OR2AJ1: variants seen among roughly 807,000 people sequenced by gnomAD.
The protein encoded by OR2AJ1 is olfactory receptor 2AJ1.
For missense variants in OR2AJ1, 280 were observed against 163.2 expected (o/e 1.72, Z -3.90); for synonymous variants, 105 against 60.3 (o/e 1.74, Z -3.44).
chr1:247,931,465 T>A (rs139394094), intron 1 of OR2AJ1, among the ~76,000 whole-genome samples: 86 of 152,326 alleles, frequency 5.6e-4, no homozygotes, highest in African/African-American at 1.8e-3. Context: ...GATCCCTGAC[T>A]GACTGGTTAA....
intron 1 of OR2AJ1, among the ~76,000 whole-genome samples, chr1:247,930,778 A>G (rs1660144168): frequency 6.6e-6 from 1 of 152,150 alleles, no homozygotes; most frequent in South Asian, 2.1e-4. Context: ...CAGACATTTA[A>G]TCACATACAG....
intron 1 of OR2AJ1, among the ~76,000 whole-genome samples, chr1:247,931,662 A>ACC (rs1414019321): frequency 6.6e-6 from 1 of 152,212 alleles, no homozygotes; most frequent in Non-Finnish European, 1.5e-5. Context: ...GCCAGTATGA[A>ACC]ATACAGAGAA....
rs761201464 is a variant in OR2AJ1, at chr1:247,934,037, G to T, written c.269G>T (p.Arg90Ile). 30 of 717,486 alleles carry T rather than the reference G, an allele frequency of 4.2e-5. No individual in the cohort carries two copies. Among genetic ancestry groups the T allele is most frequent in the Non-Finnish European group, 6.8e-5 (26 of 385,130 alleles). The allele number at this position is 717,486 out of a possible 1,614,324, so 44.4% of individuals were successfully genotyped here. ...KMVTNFLSGS[R>I]TISFAGCGFQ... ...GTCACTAACTTTCTGTCAGGCAGCA[G>T]AACTATTTCATTTGCAGGTTGTGGG... The change falls in exon 2 of 2, where the codon AGA becomes ATA. Residue 90 changes from arginine to isoleucine, a missense_variant. Transcript: ENST00000318244.
chr1:247,932,413 G>T (rs908189984), intron 1 of OR2AJ1, among the ~76,000 whole-genome samples: 4 of 152,164 alleles, frequency 2.6e-5, no homozygotes, highest in African/African-American at 9.7e-5. Context: ...AAACTTCATT[G>T]AGGTGCTTAT....
intron 1 of OR2AJ1, among the ~76,000 whole-genome samples, chr1:247,927,349 G>A (rs568255632): frequency 5.4e-4 from 82 of 152,204 alleles, no homozygotes; most frequent in African/African-American, 1.9e-3. Context: ...GGTCAGTAGG[G>A]ACTTCAACAT....
At chr1:247,932,004 T>C (rs184748461) in intron 1 of OR2AJ1, among the ~76,000 whole-genome samples, 1 of 152,230 alleles carries the variant, frequency 6.6e-6, no homozygotes, top group African/African-American at 2.4e-5. Context: ...AATCTGTGTG[T>C]ATCATCACAT....
rs754846040 is a variant in OR2AJ1 at position 247,934,160 on chromosome 1, G to A, written c.392G>A (p.Arg131His). 1.4e-5 allele frequency: 10 copies of A among 718,406 alleles called. No individual in the cohort carries two copies. Among genetic ancestry groups the A allele is most frequent in the Admixed American group, 1.0e-4 (5 of 50,062 alleles). 44.5% of individuals were successfully genotyped at this position (718,406 alleles called of 1,614,324 possible). Reference protein sequence around the residue: ...DRYVAICHPLRYPILMKEYAS... With the variant: ...DRYVAICHPLHYPILMKEYAS... Reference sequence around the variant, plus strand: ...TATGTGGCTATCTGTCACCCGCTGCGCTATCCGATTCTTATGAAGGAGTAT... The same window carrying A: ...TATGTGGCTATCTGTCACCCGCTGCACTATCCGATTCTTATGAAGGAGTAT... The change falls in exon 2 of 2, where the codon CGC becomes CAC. Residue 131 changes from arginine to histidine, a missense_variant. Arg to His is a conservative substitution (Grantham distance 29). Transcript: ENST00000318244.
chr1:247,931,380 A>G (rs1455780234), intron 1 of OR2AJ1, among the ~76,000 whole-genome samples: 2 of 152,208 alleles, frequency 1.3e-5, no homozygotes, highest in African/African-American at 4.8e-5. Flanking sequence ...GATTTCACCC[A>G]AAATTGAAAT....
intron 1 of OR2AJ1, among the ~76,000 whole-genome samples, chr1:247,932,076 C>T (rs952406818): frequency 5.3e-5 from 8 of 152,214 alleles, no homozygotes; most frequent in Admixed American, 4.6e-4. Context: ...CGGTGGCTCA[C>T]GCCTGTAATC....
chr1:247,930,175 G>T (rs1484304787), intron 1 of OR2AJ1, among the ~76,000 whole-genome samples: 1 of 152,076 alleles, frequency 6.6e-6, no homozygotes, highest in African/African-American at 2.4e-5. Context: ...TGCTTGTCTT[G>T]CAGTCAAACA....
intron 1 of OR2AJ1, among the ~76,000 whole-genome samples, chr1:247,925,397 G>A (rs150509095): frequency 1.6e-3 from 239 of 152,286 alleles, no homozygotes; most frequent in African/African-American, 5.6e-3. Context: ...TAAGAGAACA[G>A]GAAAGTCTCC....
intron 1 of OR2AJ1, among the ~76,000 whole-genome samples, chr1:247,929,554 C>A (rs73137491): frequency 0.039 from 5,820 of 151,054 alleles, 365 homozygotes; most frequent in African/African-American, 0.13. Flanking sequence ...TAATAATCAT[C>A]CTGAGTATTG....
Position 247,934,734 on chromosome 1 carries a change from G to T in OR2AJ1, c.966G>T (p.Val322=). Residue 322 remains valine, a synonymous_variant, in exon 2 of 2, where the codon GTG becomes GTT. Coordinates refer to ENST00000318244, the MANE Select transcript of OR2AJ1 (RefSeq NM_001355235.2). ...KKMNRKIPEC[V]FCLFLC ...TGAATAGGAAAATTCCTGAATGTGT[G>T]TTCTGTCTATTTCTATGTTAAATGC... 1 of 708,686 alleles carries T rather than the reference G, an allele frequency of 1.4e-6. No individual in the cohort carries two copies. The allele number at this position is 708,686 out of a possible 1,614,324, so 43.9% of individuals were successfully genotyped here. A position where few individuals can be genotyped will look rare whatever the true frequency, so the allele number is the denominator to read the frequency against.
At chr1:247,931,152 A>C (rs1268875109) in intron 1 of OR2AJ1, among the ~76,000 whole-genome samples, 1 of 152,188 alleles carries the variant, frequency 6.6e-6, no homozygotes, top group Non-Finnish European at 1.5e-5. Flanking sequence ...TCTCTGATTA[A>C]TCTCCAGGCT....
At position 247,930,195 on chromosome 1, in the gene OR2AJ1, A is replaced by T. The variant is rs190340232; in HGVS notation, c.-22-3552A>T. 1.7e-4 allele frequency among the ~76,000 whole-genome samples: 26 copies of T among 152,342 alleles called. No homozygotes were observed. The East Asian group carries it at 4.2e-3, about 25-fold the overall frequency. On this transcript the variant is annotated intron_variant, in intron 1 of 1. Transcript: ENST00000318244. Reference sequence around the variant, plus strand: ...GTCTTGCAGTCAAACATGTAATGTAAAGAAATAATGTAGGAACAAATAAAT... The same window carrying T: ...GTCTTGCAGTCAAACATGTAATGTATAGAAATAATGTAGGAACAAATAAAT...
Position 247,935,004 on chromosome 1 carries a change from A to G in OR2AJ1, c.*249A>G, listed in dbSNP as rs992031766. 6 of 345,006 alleles carry G rather than the reference A, an allele frequency of 1.7e-5. No individual in the cohort carries two copies. The East Asian group carries it at 2.9e-4, about 17-fold the overall frequency. The allele number at this position is 345,006 out of a possible 1,614,324, so 21.4% of individuals were successfully genotyped here. ...TAACACCAAAATTGTAAGACTTATG[A>G]GAATATCCCTAAAAATACAGTCACA... On this transcript the variant is annotated 3_prime_UTR_variant, in exon 2 of 2. Coordinates refer to ENST00000318244, the MANE Select transcript of OR2AJ1 (RefSeq NM_001355235.2).
intron 1 of OR2AJ1, among the ~76,000 whole-genome samples, chr1:247,933,441 G>A (rs1164172417): frequency 2.0e-5 from 3 of 152,290 alleles, no homozygotes; most frequent in East Asian, 1.9e-4. Flanking sequence ...GCAAGGATAG[G>A]CCTCCTTGGG....
intron 1 of OR2AJ1, among the ~76,000 whole-genome samples, chr1:247,928,945 T>A (rs1212948180): frequency 6.6e-6 from 1 of 152,012 alleles, no homozygotes; most frequent in Non-Finnish European, 1.5e-5. Flanking sequence ...ATAAAAAAAA[T>A]TATCCGGGCG....
chr1:247,933,071 G>C (rs1423040948), intron 1 of OR2AJ1, among the ~76,000 whole-genome samples: 1 of 152,108 alleles, frequency 6.6e-6, no homozygotes, highest in East Asian at 1.9e-4. Context: ...ATTTTGGAAA[G>C]TCTTAGAATT....
Sources: allele counts gnomAD v4.1 joint callset (sites outside exome capture counted in the v4.1 genomes callset), GRCh38; gene constraint gnomAD v4.1.1; transcripts MANE v1.5; gene names NCBI Gene and HGNC (gene_info 2026-07-23, HGNC 2026-07-21).